SLC35F4: variants seen among roughly 807,000 people sequenced by gnomAD.
SLC35F4 encodes solute carrier family 35 member F4.
In SLC35F4, 24 loss-of-function variants were observed where a neutral mutation model predicts 44.2. That is an observed-to-expected ratio of 0.54 (90% CI 0.39 to 0.76). The LOEUF (loss-of-function observed/expected upper bound fraction) is 0.76. Among genes scored for constraint, SLC35F4 ranks in the 30% least tolerant of loss-of-function variants. The probability of loss-of-function intolerance (pLI) is 0.00; values close to 1 mark genes in which losing one functional copy is unlikely to be tolerated. For synonymous variants in SLC35F4, 238 were observed against 223.6 expected, an observed-to-expected ratio of 1.06 and a Z score of -0.57; for missense variants, 562 against 586.1, an observed-to-expected ratio of 0.96 and a Z score of 0.42.
intron 1 of SLC35F4, among the ~76,000 whole-genome samples, chr14:57,957,792 C>A (rs1890265880): frequency 6.6e-6 from 1 of 152,140 alleles, no homozygotes; most frequent in Non-Finnish European, 1.5e-5. Flanking sequence ...GCAAGTCACT[C>A]ACTTCTGAAC....
At chr14:57,576,735 C>T (rs2068813432) in intron 4 of SLC35F4, among the ~76,000 whole-genome samples, 1 of 152,076 alleles carries the variant, frequency 6.6e-6, no homozygotes, top group African/African-American at 2.4e-5. Flanking sequence ...GATGCTGGGC[C>T]TCTGAACTCC....
chr14:57,742,434 A>G (rs1411061185), intron 1 of SLC35F4, among the ~76,000 whole-genome samples: 1 of 152,236 alleles, frequency 6.6e-6, no homozygotes, highest in Non-Finnish European at 1.5e-5. Context: ...CTAGTCTCTG[A>G]TAAAACAGAC....
chr14:57,705,454 A>T (rs2075649003), intron 1 of SLC35F4, among the ~76,000 whole-genome samples: 1 of 152,010 alleles, frequency 6.6e-6, no homozygotes, highest in Non-Finnish European at 1.5e-5. Context: ...TCTCTGCTCT[A>T]CTCCGCATCC....
chr14:57,947,504 A>C (rs1004014076), intron 1 of SLC35F4, among the ~76,000 whole-genome samples: 1 of 152,038 alleles, frequency 6.6e-6, no homozygotes, highest in African/African-American at 2.4e-5. Context: ...CCTTTTTACC[A>C]ATTTGGATGC....
At chr14:57,602,787 T>C (rs1389615993) in intron 1 of SLC35F4, among the ~76,000 whole-genome samples, 1 of 152,178 alleles carries the variant, frequency 6.6e-6, no homozygotes, top group Non-Finnish European at 1.5e-5. Context: ...AGACATATTT[T>C]CTCTGTTTCC....
chr14:57,675,470 T>A (rs1169748514), intron 1 of SLC35F4, among the ~76,000 whole-genome samples: 2 of 152,046 alleles, frequency 1.3e-5, no homozygotes, highest in African/African-American at 2.4e-5. Flanking sequence ...CGGCAACAAT[T>A]TGACTTCCTC....
intron 1 of SLC35F4, among the ~76,000 whole-genome samples, chr14:57,613,385 C>A (rs1176730086): frequency 6.6e-6 from 1 of 152,122 alleles, no homozygotes; most frequent in African/African-American, 2.4e-5. Context: ...AAAAGGAGAG[C>A]CTGTCATACA....
At chr14:57,952,733 A>C (rs111980933) in intron 1 of SLC35F4, among the ~76,000 whole-genome samples, 2 of 152,040 alleles carry the variant, frequency 1.3e-5, no homozygotes, top group African/African-American at 4.8e-5. Context: ...AGACAAGATT[A>C]GAGAAAAAAG....
chr14:57,712,683 T>C (rs1428361029), intron 1 of SLC35F4, among the ~76,000 whole-genome samples: 1 of 152,240 alleles, frequency 6.6e-6, no homozygotes, highest in African/African-American at 2.4e-5. Flanking sequence ...CAAATAGATT[T>C]TTAAAAGTAG....
chr14:57,740,578 T>A (rs1366812527), intron 1 of SLC35F4, among the ~76,000 whole-genome samples: 1 of 152,120 alleles, frequency 6.6e-6, no homozygotes, highest in Admixed American at 6.5e-5. Flanking sequence ...ACCTAGTGTT[T>A]GAAAGAGAAG....
intron 1 of SLC35F4, among the ~76,000 whole-genome samples, chr14:57,680,229 C>T (rs62005172): frequency 0.061 from 9,264 of 152,178 alleles, 426 homozygotes; most frequent in South Asian, 0.098. Flanking sequence ...ATTAGCAAAT[C>T]AATAAACATA....
At chr14:57,695,215 T>C (rs565508753) in intron 1 of SLC35F4, among the ~76,000 whole-genome samples, 6 of 152,092 alleles carry the variant, frequency 3.9e-5, no homozygotes, top group African/African-American at 1.2e-4. Context: ...AAAGAAACTA[T>C]CATCAGAATC....
chr14:57,781,497 C>A (rs1431391133), intron 1 of SLC35F4, among the ~76,000 whole-genome samples: 1 of 152,118 alleles, frequency 6.6e-6, no homozygotes, highest in Non-Finnish European at 1.5e-5. Context: ...TTGTAGAAAG[C>A]AGTGTGATGA....
intron 1 of SLC35F4, among the ~76,000 whole-genome samples, chr14:57,640,664 CTGAGGTTA>C (rs1236396777): frequency 6.6e-6 from 1 of 152,062 alleles, no homozygotes. Flanking sequence ...AGTAAAATAA[CTGAGGTTA>C]TACAGCAAGT....
intron 4 of SLC35F4, among the ~76,000 whole-genome samples, chr14:57,574,152 A>G (rs1389650335): frequency 6.6e-6 from 1 of 152,208 alleles, no homozygotes; most frequent in Non-Finnish European, 1.5e-5. Context: ...GACCACAGGT[A>G]GGAACTCTTC....
At chr14:57,790,203 ATC>A (rs2077880564) in intron 1 of SLC35F4, among the ~76,000 whole-genome samples, 1 of 152,132 alleles carries the variant, frequency 6.6e-6, no homozygotes, top group Non-Finnish European at 1.5e-5. Flanking sequence ...AAGTCAAATT[ATC>A]TCTGTTTGCA....
At chr14:57,613,884 G>A (rs2071653651) in intron 1 of SLC35F4, among the ~76,000 whole-genome samples, 2 of 152,186 alleles carry the variant, frequency 1.3e-5, no homozygotes, top group African/African-American at 2.4e-5. Flanking sequence ...TAAAGTTGTT[G>A]TAAGGAGTAG....
At chr14:57,815,107 A>G (rs1385176054) in intron 1 of SLC35F4, among the ~76,000 whole-genome samples, 3 of 152,214 alleles carry the variant, frequency 2.0e-5, no homozygotes, top group Non-Finnish European at 4.4e-5. Flanking sequence ...AAGGCACCAA[A>G]TGGCCAGCAA....
chr14:57,674,280 C>G (rs1406802975), intron 1 of SLC35F4, among the ~76,000 whole-genome samples: 1 of 152,090 alleles, frequency 6.6e-6, no homozygotes, highest in Admixed American at 6.5e-5. Flanking sequence ...TAAAATAACA[C>G]AATCCTTTGG....
Sources: gnomAD v4.1 joint callset for allele counts (sites outside exome capture counted in the v4.1 genomes callset) on GRCh38, gnomAD v4.1.1 for gene constraint, MANE v1.5 for transcripts, NCBI Gene and HGNC (gene_info 2026-07-23, HGNC 2026-07-21) for gene names.